SLC25A17: variants seen among roughly 807,000 people sequenced by gnomAD.
SLC25A17 encodes the protein peroxisomal membrane protein PMP34.
SLC25A17 carries 26 observed loss-of-function variants against 38.5 expected under a neutral mutation model. The observed-to-expected ratio is 0.68, with a 90% CI of 0.50 to 0.94. The LOEUF (loss-of-function observed/expected upper bound fraction) is 0.94. Ranked by LOEUF, SLC25A17 falls within the 40% of genes least tolerant of loss-of-function variation. SLC25A17 has a pLI of 0.00. For missense variants in SLC25A17, 333 were observed against 372.7 expected (o/e 0.89, Z 0.88); for synonymous variants, 139 against 136.2 (o/e 1.02, Z -0.14).
At chr22:40,772,632 C>T (rs1037300382) in intron 8 of SLC25A17, among the ~76,000 whole-genome samples, 2 of 144,298 alleles carry the variant, frequency 1.4e-5, no homozygotes, top group African/African-American at 5.1e-5. Context: ...CTTGAATGTT[C>T]TTTTTTTTTT....
intron 4 of SLC25A17, among the ~76,000 whole-genome samples, chr22:40,782,221 A>AAACAACAACAAC (rs57313774): frequency 2.2e-3 from 323 of 150,006 alleles, no homozygotes; most frequent in African/African-American, 6.0e-3. Flanking sequence ...CCCCATCTCA[A>AAACAACAACAAC]AACAACAACA....
In SLC25A17 at chr22:40,770,432, A is replaced by T. The variant is rs182675927; in HGVS notation, c.*402T>A. 6.5e-6 allele frequency: 1 copy of T among 153,100 alleles called. No homozygotes were observed. Among genetic ancestry groups the T allele is most frequent in the Non-Finnish European group, 1.5e-5 (1 of 68,678 alleles). The allele number at this position is 153,100 out of a possible 1,614,324, so 9.5% of individuals were successfully genotyped here. A position where few individuals can be genotyped will look rare whatever the true frequency, so the allele number is the denominator to read the frequency against. On this transcript the variant is annotated 3_prime_UTR_variant, in exon 9 of 9. Transcript: ENST00000435456. ...TACAAAAGTATTTGAGGAGAATTAC[A>T]TGTTATTAAATTTGTCCTAGAACCT...
chr22:40,773,938 T>C lies in SLC25A17; in HGVS notation c.775A>G (p.Arg259Gly), dbSNP rs762798694. 1.2e-6 allele frequency: 2 copies of C among 1,601,648 alleles called. No homozygotes were observed. The highest frequency in any genetic ancestry group is 1.1e-5 in the South Asian group (1 of 90,826). ...ATGTGAGGCATCTACAAAGCTCACC[T>C]TACTCGTTGGTGAAGAAGATAGAGA... ...NILYLLHQRV[R>G]RFGIMGLYKG... The change falls in exon 8 of 9, where the codon AGA (arginine) becomes GGA (glycine). Residue 259 changes from arginine to glycine, a missense_variant and splice_region_variant. Coordinates refer to ENST00000435456, the MANE Select transcript of SLC25A17 (RefSeq NM_006358.4).
rs1491079527 is a variant in SLC25A17, at chr22:40,816,611, T to TG, written c.54+2583_54+2584insC. On this transcript the variant is annotated intron_variant, in intron 1 of 8. Transcript: ENST00000435456. The stretch of plus-strand genomic sequence containing the variant: ...TATTTATTCATTTATTTTTTATTGT[T>TG]TTTTTTTTTTTTTCTTGAGACGGAG... 2.4e-4 allele frequency among the ~76,000 whole-genome samples: 4 copies of TG among 17,006 alleles called. 1 individual carries two copies. Among genetic ancestry groups the TG allele is most frequent in the African/African-American group, 1.6e-3 (4 of 2,544 alleles). 11.2% of individuals were successfully genotyped at this position (17,006 alleles called of 152,430 possible).
In SLC25A17 at chr22:40,811,023, G is replaced by A. The variant is rs1227085799; in HGVS notation, c.54+8172C>T. 2.0e-5 allele frequency among the ~76,000 whole-genome samples: 3 copies of A among 151,482 alleles called. No individual in the cohort carries two copies. The East Asian group carries it at 5.9e-4, about 30-fold the overall frequency. The stretch of plus-strand genomic sequence containing the variant: ...CTCACTGCAACCTCCACCTCTGGGT[G>A]GAGGTCAATTAATCCTCTCACCTCA... On this transcript the variant is annotated intron_variant, in intron 1 of 8. Transcript: ENST00000435456.
intron 1 of SLC25A17, among the ~76,000 whole-genome samples, chr22:40,810,164 C>G (rs1450286731): frequency 6.6e-6 from 1 of 152,100 alleles, no homozygotes; most frequent in Non-Finnish European, 1.5e-5. Context: ...GATACAAGAG[C>G]ATCCAAGACC....
intron 3 of SLC25A17, 113 bp downstream of exon 3, chr22:40,794,401 A>G (rs1457516241): frequency 4.9e-6 from 3 of 616,358 alleles, no homozygotes; most frequent in Admixed American, 2.7e-5. Context: ...GCAATTCCAA[A>G]TTCACAACAT....
intron 1 of SLC25A17, among the ~76,000 whole-genome samples, chr22:40,803,951 T>C (rs183025649): frequency 9.7e-4 from 148 of 152,126 alleles, no homozygotes; most frequent in Middle Eastern, 3.4e-3. Context: ...TTTCTCTGAA[T>C]GTTTCATTTC....
chr22:40,797,040 G>T (rs1040372200), intron 2 of SLC25A17, among the ~76,000 whole-genome samples: 4 of 152,076 alleles, frequency 2.6e-5, no homozygotes, highest in Non-Finnish European at 5.9e-5. Context: ...ATTCTTATTC[G>T]CTTGTTATTC....
In SLC25A17 at chr22:40,792,583, G is replaced by A. The variant is rs751877628; in HGVS notation, c.276C>T (p.Leu92=). The change falls in exon 4 of 9, where the codon CTC becomes CTT. Residue 92 remains leucine, a synonymous_variant. Coordinates refer to ENST00000435456, the MANE Select transcript of SLC25A17 (RefSeq NM_006358.4). The part of the protein sequence containing the change: ...YFYTFNSLKA[L]WVKGQHSTTG... ...TGGTAGAATGTTGACCTTTGACCCA[G>A]AGTGCTTTGAGGCTATTAAAAGTGT... is the stretch of plus-strand genomic sequence containing the variant. 5 of 1,613,920 alleles carry A rather than the reference G, an allele frequency of 3.1e-6. No homozygotes were observed. The African/African-American group carries it at 6.7e-5, about 22-fold the overall frequency.
At chr22:40,794,722 C>A in intron 2 of SLC25A17, 142 bp from the exon 3 acceptor site, 3 of 408,836 alleles carry the variant, frequency 7.3e-6, no homozygotes, top group Admixed American at 7.1e-5. Context: ...TGGGTTCAAG[C>A]GATTCTCCTG....
rs1602603525 is a variant in SLC25A17 at position 40,789,884 on chromosome 22, T to C, written c.334+2641A>G. Among the ~76,000 whole-genome samples the C allele has an allele frequency of 6.6e-6, 1 of 151,362 alleles. No individual in the cohort carries two copies. Among genetic ancestry groups the C allele is most frequent in the Non-Finnish European group, 1.5e-5 (1 of 67,842 alleles). ...CTCAAACTGCGGGCTCAAGTGATCC[T>C]CCTGCCTTGACCTCCCAAACTGCTG... is the stretch of plus-strand genomic sequence containing the variant. On this transcript the variant is annotated intron_variant, in intron 4 of 8. Transcript: ENST00000435456. This position sits in a 1 kb window ranked among gnomAD's most constrained non-coding sequence, Gnocchi z 4.5.
At chr22:40,815,453 C>T (rs1168113327) in intron 1 of SLC25A17, among the ~76,000 whole-genome samples, 1 of 152,104 alleles carries the variant, frequency 6.6e-6, no homozygotes, top group Non-Finnish European at 1.5e-5. Flanking sequence ...AAACTCATCC[C>T]AAGTAGGTTC....
chr22:40,777,032 G>A lies in SLC25A17; in HGVS notation c.693+8C>T, dbSNP rs113707370. ...TTGACTAAATGCGAAGAGAACTCCA[G>A]CACTCACCCTCAGAATTGACTGTAC... On this transcript the variant is annotated splice_region_variant and intron_variant, in intron 7 of 8. Transcript: ENST00000435456. The A allele has an allele frequency of 5.3e-5, 85 of 1,612,282 alleles. No homozygotes were observed. The African/African-American group carries it at 1.0e-3, about 19-fold the overall frequency.
chr22:40,791,744 T>C (rs1297818909), intron 4 of SLC25A17, among the ~76,000 whole-genome samples: 1 of 152,044 alleles, frequency 6.6e-6, no homozygotes, highest in Admixed American at 6.6e-5. Flanking sequence ...AGAAAGTAAG[T>C]GTTAGTGAGG....
intron 4 of SLC25A17, among the ~76,000 whole-genome samples, chr22:40,785,586 A>G (rs918634708): frequency 1.3e-5 from 2 of 152,222 alleles, no homozygotes; most frequent in Non-Finnish European, 2.9e-5. Flanking sequence ...GTGTAAGTAA[A>G]GAGAATAGGA....
At chr22:40,807,469 G>C (rs1246620990) in intron 1 of SLC25A17, among the ~76,000 whole-genome samples, 1 of 152,070 alleles carries the variant, frequency 6.6e-6, no homozygotes. Flanking sequence ...AAAATTAGAG[G>C]CCAGGTGCGG....
chr22:40,777,889 G>C (rs1405440364), intron 5 of SLC25A17, among the ~76,000 whole-genome samples: 1 of 151,922 alleles, frequency 6.6e-6, no homozygotes, highest in Non-Finnish European at 1.5e-5. Context: ...AAGTTATTGA[G>C]AGACCAACTT....
chr22:40,775,538 A>G (rs2057234160), intron 7 of SLC25A17, among the ~76,000 whole-genome samples: 1 of 139,972 alleles, frequency 7.1e-6, no homozygotes, highest in Non-Finnish European at 1.5e-5. Context: ...ATCTCGGCTC[A>G]CTGCAAGCTC....
Sources: allele counts gnomAD v4.1 joint callset (sites outside exome capture counted in the v4.1 genomes callset), GRCh38; gene constraint gnomAD v4.1.1; non-coding constraint Gnocchi (gnomAD v3.1); transcripts MANE v1.5; gene names NCBI Gene and HGNC (gene_info 2026-07-23, HGNC 2026-07-21).